Variants in MAN1A2 observed in about 807,000 individuals in gnomAD.
MAN1A2 encodes mannosyl-oligosaccharide 1,2-alpha-mannosidase IB.
Under a neutral mutation model 75.7 loss-of-function variants are expected in MAN1A2, and 26 were observed. The ratio of observed to expected loss-of-function variants is 0.34; its 90% confidence interval spans 0.25 to 0.48. MAN1A2 has a LOEUF of 0.48. MAN1A2 is among the 20% of genes least tolerant of loss of function. The probability of loss-of-function intolerance (pLI) is 0.99; values close to 1 mark genes in which losing one functional copy is unlikely to be tolerated. For missense variants in MAN1A2, 562 were observed against 775.5 expected (o/e 0.72, Z 3.27); for synonymous variants, 247 against 264.6 (o/e 0.93, Z 0.65).
intron 6 of MAN1A2, among the ~76,000 whole-genome samples, chr1:117,443,829 C>T (rs1168749173): frequency 2.0e-5 from 3 of 151,860 alleles, no homozygotes; most frequent in Non-Finnish European, 2.9e-5. Flanking sequence ...AGGCGGATCT[C>T]GAATTCCTAG....
At chr1:117,373,289 CT>C (rs1445414022) in intron 1 of MAN1A2, among the ~76,000 whole-genome samples, 1 of 151,852 alleles carries the variant, frequency 6.6e-6, no homozygotes, top group African/African-American at 2.4e-5. Context: ...TTATTTGGGG[CT>C]TTCTGCTCCT....
intron 8 of MAN1A2, among the ~76,000 whole-genome samples, chr1:117,481,317 A>AT (rs1045700668): frequency 6.6e-6 from 1 of 151,256 alleles, no homozygotes; most frequent in African/African-American, 2.4e-5. Flanking sequence ...GGTAAAGCCT[A>AT]TTTAAAAAAA....
intron 8 of MAN1A2, among the ~76,000 whole-genome samples, chr1:117,486,035 T>A (rs1294946540): frequency 1.3e-5 from 2 of 152,012 alleles, no homozygotes; most frequent in Non-Finnish European, 2.9e-5. Flanking sequence ...AACTTTATTC[T>A]TAAGCACGGA....
intron 12 of MAN1A2, among the ~76,000 whole-genome samples, chr1:117,518,663 A>C (rs994481184): frequency 6.6e-6 from 1 of 152,066 alleles, no homozygotes; most frequent in African/African-American, 2.4e-5. Context: ...TGCACCTAAC[A>C]CTGGAGCTCC....
chr1:117,522,811 CT>C lies in MAN1A2; in HGVS notation c.1794-9del. 2 of 1,608,056 alleles carry C rather than the reference CT, an allele frequency of 1.2e-6. No individual in the cohort carries two copies. The highest frequency in any genetic ancestry group is 1.7e-5 in the Admixed American group (1 of 59,498). Reference sequence around the variant, plus strand: ...ATTCTAACTGAAGCTCATTTCTCCCCTTTTTATTTTCAGATATTTGTATCTG... The same window carrying C: ...ATTCTAACTGAAGCTCATTTCTCCCCTTTTATTTTCAGATATTTGTATCTG... On this transcript the variant is annotated splice_polypyrimidine_tract_variant and intron_variant, in intron 12 of 12. Transcript: ENST00000356554.
At chr1:117,377,036 A>G (rs889656887) in intron 1 of MAN1A2, among the ~76,000 whole-genome samples, 2 of 152,218 alleles carry the variant, frequency 1.3e-5, no homozygotes, top group African/African-American at 4.8e-5. Context: ...CCTCATGGAT[A>G]TCAAGGAACA....
At chr1:117,456,233 G>C (rs1649577818) in intron 6 of MAN1A2, among the ~76,000 whole-genome samples, 1 of 151,960 alleles carries the variant, frequency 6.6e-6, no homozygotes, top group Admixed American at 6.6e-5. Flanking sequence ...AGCAAATTTG[G>C]TAGTCCATAA....
At chr1:117,383,777 C>G (rs1055262149) in intron 1 of MAN1A2, among the ~76,000 whole-genome samples, 1 of 151,332 alleles carries the variant, frequency 6.6e-6, no homozygotes, top group African/African-American at 2.4e-5. Context: ...CGTTGGGGGT[C>G]TGTGTTGCCC....
intron 5 of MAN1A2, among the ~76,000 whole-genome samples, chr1:117,432,485 A>G (rs545891402): frequency 1.3e-5 from 2 of 152,246 alleles, no homozygotes; most frequent in Non-Finnish European, 2.9e-5. Flanking sequence ...AGGCATAATA[A>G]TGGAATATTA....
chr1:117,491,563 G>A (rs1650884419), intron 8 of MAN1A2, among the ~76,000 whole-genome samples: 1 of 152,020 alleles, frequency 6.6e-6, no homozygotes, highest in Admixed American at 6.6e-5. Flanking sequence ...TTGGTTTCAT[G>A]CCTGCTAACA....
intron 5 of MAN1A2, among the ~76,000 whole-genome samples, chr1:117,423,023 A>G (rs57198176): frequency 0.076 from 11,612 of 152,222 alleles, 496 homozygotes; most frequent in Middle Eastern, 0.15. Context: ...GTTTTCTTCC[A>G]AAACTATTAT....
chr1:117,489,536 G>A (rs1028030641), intron 8 of MAN1A2, among the ~76,000 whole-genome samples: 4 of 151,924 alleles, frequency 2.6e-5, no homozygotes, highest in African/African-American at 7.2e-5. Flanking sequence ...AGGAGTCGTC[G>A]TTTATGAGAG....
At chr1:117,428,128 G>T (rs565530445) in intron 5 of MAN1A2, among the ~76,000 whole-genome samples, 2 of 149,130 alleles carry the variant, frequency 1.3e-5, no homozygotes, top group Non-Finnish European at 3.0e-5. Context: ...TTTTTTTTTG[G>T]GGGGGGACCG....
intron 1 of MAN1A2, among the ~76,000 whole-genome samples, chr1:117,376,576 TCA>T (rs377403700): frequency 1.9e-4 from 29 of 152,332 alleles, no homozygotes; most frequent in South Asian, 8.3e-4. Flanking sequence ...TCCTCAGACC[TCA>T]GTTACAGCCT....
At chr1:117,387,296 G>A (rs931366559) in intron 1 of MAN1A2, among the ~76,000 whole-genome samples, 1 of 152,040 alleles carries the variant, frequency 6.6e-6, no homozygotes, top group Non-Finnish European at 1.5e-5. Context: ...TTGCTGAGGG[G>A]AATGTAAAAT....
intron 11 of MAN1A2, among the ~76,000 whole-genome samples, chr1:117,499,773 A>C (rs1196787488): frequency 1.3e-5 from 2 of 148,428 alleles, no homozygotes; most frequent in Admixed American, 6.8e-5. Flanking sequence ...AAATATATAA[A>C]TATATATATT....
intron 12 of MAN1A2, among the ~76,000 whole-genome samples, chr1:117,508,719 T>A (rs1651443441): frequency 6.6e-6 from 1 of 151,652 alleles, no homozygotes. Flanking sequence ...CAATTGCATT[T>A]TTATAGACTT....
chr1:117,397,675 AG>A (rs1647227592), intron 1 of MAN1A2, among the ~76,000 whole-genome samples: 1 of 83,838 alleles, frequency 1.2e-5, no homozygotes, highest in Admixed American at 1.8e-4. Flanking sequence ...TTGGAGACGT[AG>A]TTTCGCTTTT....
At chr1:117,472,988 A>G (rs1464357247) in intron 8 of MAN1A2, among the ~76,000 whole-genome samples, 3 of 151,942 alleles carry the variant, frequency 2.0e-5, no homozygotes. Flanking sequence ...ATAGTTTTAA[A>G]TACCATTTAC....
Sources: gnomAD v4.1 joint callset for allele counts (sites outside exome capture counted in the v4.1 genomes callset) on GRCh38, gnomAD v4.1.1 for gene constraint, MANE v1.5 for transcripts, NCBI Gene and HGNC (gene_info 2026-07-23, HGNC 2026-07-21) for gene names.